CCBE1: variants seen among roughly 807,000 people sequenced by gnomAD.
The protein encoded by CCBE1 is collagen and calcium binding EGF domains 1, also known as collagen and calcium-binding EGF domain-containing protein 1.
A neutral mutation model predicts 50.0 loss-of-function variants in CCBE1; 37 were observed. That is an observed-to-expected ratio of 0.74 (90% confidence interval 0.57 to 0.97). The LOEUF (loss-of-function observed/expected upper bound fraction) is 0.97, where lower values mean the gene tolerates loss of function less well. Ranked by LOEUF, CCBE1 falls within the 50% of genes least tolerant of loss-of-function variation. The pLI is 0.00. For synonymous variants in CCBE1, 234 were observed against 203.7 expected, an observed-to-expected ratio of 1.15 and a Z score of -1.27; for missense variants, 538 against 523.8, an observed-to-expected ratio of 1.03 and a Z score of -0.26.
intron 2 of CCBE1, among the ~76,000 whole-genome samples, chr18:59,621,260 C>A (rs1445242846): frequency 6.6e-6 from 1 of 152,220 alleles, no homozygotes; most frequent in Non-Finnish European, 1.5e-5. Flanking sequence ...GTTCCTGCAG[C>A]TGTGTTTCAT....
At chr18:59,685,709 C>G (rs2054645306) in intron 2 of CCBE1, 1 of 152,200 alleles carries the variant, frequency 6.6e-6, no homozygotes, top group Non-Finnish European at 1.5e-5. Context: ...TTTTAAAAAC[C>G]TCCTCGGATG....
At chr18:59,491,332 T>TCC (rs1170547323) in intron 2 of CCBE1, among the ~76,000 whole-genome samples, 1 of 152,162 alleles carries the variant, frequency 6.6e-6, no homozygotes. Flanking sequence ...CTTTTTCCCT[T>TCC]CCTCACAGGG....
chr18:59,571,857 ATCTGCAAC>A (rs915772415), intron 2 of CCBE1, among the ~76,000 whole-genome samples: 1 of 152,204 alleles, frequency 6.6e-6, no homozygotes, highest in Non-Finnish European at 1.5e-5. Context: ...GACCTACTGA[ATCTGCAAC>A]TCTAGGGGAG....
intron 2 of CCBE1, among the ~76,000 whole-genome samples, chr18:59,582,464 G>A (rs1172851947): frequency 6.6e-6 from 1 of 152,198 alleles, no homozygotes; most frequent in Non-Finnish European, 1.5e-5. Flanking sequence ...AGAAAAAGCT[G>A]AAACTTAAAT....
intron 2 of CCBE1, among the ~76,000 whole-genome samples, chr18:59,558,979 G>A (rs936967513): frequency 3.3e-5 from 5 of 152,172 alleles, no homozygotes; most frequent in South Asian, 2.1e-4. Flanking sequence ...CACTCCCCTC[G>A]GACTTCAGCA....
intron 2 of CCBE1, among the ~76,000 whole-genome samples, chr18:59,620,619 G>T (rs988028894): frequency 2.0e-5 from 3 of 152,076 alleles, no homozygotes; most frequent in Non-Finnish European, 4.4e-5. Context: ...GAATCACGGG[G>T]GCAAGTCTTT....
intron 2 of CCBE1, among the ~76,000 whole-genome samples, chr18:59,545,478 G>C (rs1213531799): frequency 6.6e-6 from 1 of 152,074 alleles, no homozygotes; most frequent in Non-Finnish European, 1.5e-5. Flanking sequence ...ACCATTCCAC[G>C]TCAGTATATA....
intron 3 of CCBE1, 57 bp from the exon 4 acceptor site, chr18:59,469,664 C>A: frequency 6.2e-7 from 1 of 1,611,326 alleles, no homozygotes; most frequent in Non-Finnish European, 8.5e-7. Flanking sequence ...AGTAACCTGG[C>A]CCTGGCCTGG....
intron 2 of CCBE1, among the ~76,000 whole-genome samples, chr18:59,522,993 C>CAAAAAAAAAAAAATAAAA (rs1914670359): frequency 1.1e-5 from 1 of 89,222 alleles, no homozygotes; most frequent in South Asian, 4.7e-4. Flanking sequence ...GACTCTGTTT[C>CAAAAAAAAAAAAATAAAA]AAAAAAAAAA....
intron 2 of CCBE1, among the ~76,000 whole-genome samples, chr18:59,580,176 G>A (rs1012773684): frequency 2.0e-5 from 3 of 152,168 alleles, no homozygotes; most frequent in Admixed American, 2.0e-4. Flanking sequence ...CCTGCCTCTT[G>A]TTCTCTTTAA....
intron 2 of CCBE1, among the ~76,000 whole-genome samples, chr18:59,583,654 CGTGTGT>C (rs752150539): frequency 2.5e-4 from 35 of 142,216 alleles, no homozygotes; most frequent in South Asian, 1.6e-3. Flanking sequence ...CACTGCTTTG[CGTGTGT>C]GTGTGTGTGT....
chr18:59,499,795 A>G (rs982181095), intron 2 of CCBE1, among the ~76,000 whole-genome samples: 3 of 152,082 alleles, frequency 2.0e-5, no homozygotes, highest in African/African-American at 7.2e-5. Context: ...CTCAGATACC[A>G]CTTTGACAGT....
chr18:59,503,940 G>T (rs1187947692), intron 2 of CCBE1, among the ~76,000 whole-genome samples: 1 of 152,108 alleles, frequency 6.6e-6, no homozygotes, highest in African/African-American at 2.4e-5. Flanking sequence ...TCCTCCTTTA[G>T]CCCATTTGTT....
intron 3 of CCBE1, among the ~76,000 whole-genome samples, chr18:59,473,473 A>G (rs1161993067): frequency 6.6e-6 from 1 of 152,140 alleles, no homozygotes; most frequent in Non-Finnish European, 1.5e-5. Context: ...TTCAATTCTG[A>G]AGACTTTTTG....
Position 59,436,159 on chromosome 18 carries a change from A to G in CCBE1, c.988-18T>C. 4.3e-6 allele frequency: 7 copies of G among 1,611,160 alleles called. No individual in the cohort carries two copies. The highest frequency in any genetic ancestry group is 5.1e-6 in the Non-Finnish European group (6 of 1,177,496). ...GGGGGTCCCTGTGTACATGGGAGGA[A>G]TCAAAGCTAGAATACGACAGACAGC... is the stretch of plus-strand genomic sequence containing the variant. On this transcript the variant is annotated intron_variant, in intron 10 of 10. Coordinates refer to ENST00000439986, the MANE Select transcript of CCBE1 (RefSeq NM_133459.4).
chr18:59,533,124 A>G (rs1915114508), intron 2 of CCBE1, among the ~76,000 whole-genome samples: 1 of 152,178 alleles, frequency 6.6e-6, no homozygotes, highest in African/African-American at 2.4e-5. Context: ...TTATTTCATT[A>G]TAGTTAATAT....
At chr18:59,554,745 G>A (rs528364884) in intron 2 of CCBE1, among the ~76,000 whole-genome samples, 71 of 152,320 alleles carry the variant, frequency 4.7e-4, no homozygotes, top group Admixed American at 1.8e-3. Context: ...ATGTGAGAAG[G>A]TGGTTGAGAA....
intron 2 of CCBE1, among the ~76,000 whole-genome samples, chr18:59,642,355 T>C (rs4940474): frequency 0.45 from 68,763 of 152,048 alleles, 17,218 homozygotes; most frequent in Non-Finnish European, 0.56. Context: ...GGTGAAATAA[T>C]GGGAGTCTTC....
chr18:59,662,161 A>C (rs9948909), intron 2 of CCBE1, among the ~76,000 whole-genome samples: 63,164 of 152,086 alleles, frequency 0.42, 14,402 homozygotes, highest in African/African-American at 0.61. Flanking sequence ...CACCAATAAC[A>C]AAAACACAAG....
Sources: allele counts gnomAD v4.1 joint callset (sites outside exome capture counted in the v4.1 genomes callset), GRCh38; gene constraint gnomAD v4.1.1; transcripts MANE v1.5; gene names NCBI Gene and HGNC (gene_info 2026-07-23, HGNC 2026-07-21).